The following SORD variants were observed in gnomAD, a reference collection of about 807,000 sequenced individuals.
SORD encodes (R,R)-butanediol dehydrogenase.
Under a neutral mutation model 35.6 loss-of-function variants are expected in SORD, and 18 were observed. The ratio of observed to expected loss-of-function variants is 0.51; its 90% CI spans 0.35 to 0.75. The LOEUF is 0.75. SORD is among the 30% of genes least tolerant of loss of function. The pLI is 0.01. For synonymous variants in SORD, 106 were observed against 152.9 expected, an observed-to-expected ratio of 0.69 and a Z score of 2.26; for missense variants, 250 against 390.2, an observed-to-expected ratio of 0.64 and a Z score of 3.03.
intron 1 of SORD, among the ~76,000 whole-genome samples, chr15:45,031,143 C>T (rs1176591882): frequency 1.3e-5 from 2 of 152,154 alleles, no homozygotes; most frequent in African/African-American, 4.8e-5. Flanking sequence ...CTGGGAAAGA[C>T]CTTGTCTCTA....
chr15:45,037,374 G>A (rs1892885086), intron 1 of SORD, among the ~76,000 whole-genome samples: 1 of 152,110 alleles, frequency 6.6e-6, no homozygotes, highest in African/African-American at 2.4e-5. Flanking sequence ...TATTTGGTGT[G>A]CCTGACTGTT....
chr15:45,064,488 T>C (rs1893374186), intron 4 of SORD, among the ~76,000 whole-genome samples: 1 of 152,206 alleles, frequency 6.6e-6, no homozygotes, highest in Admixed American at 6.5e-5. Flanking sequence ...AGCTGTATTA[T>C]TGATAGGGTC....
At position 45,073,565 on chromosome 15, in the gene SORD, G is replaced by C. The variant is rs779306479; in HGVS notation, c.*35G>C. The C allele has an allele frequency of 2.5e-5, 40 of 1,591,276 alleles. 1 individual carries two copies. The highest frequency in any genetic ancestry group is 3.4e-5 in the Non-Finnish European group (40 of 1,171,830). ...GCTCTGCCCTCATCCCCACAGTCTT[G>C]GGATCTCAGGGCACAATGGCTGGAC... On this transcript the variant is annotated 3_prime_UTR_variant, in exon 9 of 9. Transcript: ENST00000267814.
intron 1 of SORD, among the ~76,000 whole-genome samples, chr15:45,026,382 T>TAA (rs1892668801): frequency 2.0e-5 from 3 of 152,074 alleles, no homozygotes; most frequent in Non-Finnish European, 2.9e-5. Context: ...CAAATGCATT[T>TAA]TGGGGGGAAA....
intron 7 of SORD, chr15:45,069,714 T>C (rs537229706): frequency 6.6e-6 from 1 of 152,302 alleles, no homozygotes; most frequent in South Asian, 2.1e-4. Context: ...CATGCCTTAA[T>C]TGTATGTGGG....
chr15:45,025,641 A>T (rs1335932773), intron 1 of SORD, among the ~76,000 whole-genome samples: 2 of 152,012 alleles, frequency 1.3e-5, no homozygotes, highest in South Asian at 2.1e-4. Context: ...AAAAAAAAAA[A>T]AAAGATGTCT....
chr15:45,040,265 C>T (rs1595498542), intron 1 of SORD, 143 bp from the exon 2 acceptor site: 5 of 630,516 alleles, frequency 7.9e-6, no homozygotes, highest in African/African-American at 3.7e-5. Context: ...AGGCATGCAC[C>T]CAGGAGCAGT....
Position 45,069,051 on chromosome 15 carries a change from A to G in SORD, c.785A>G (p.Tyr262Cys). Residue 262 changes from tyrosine to cysteine, a missense_variant and splice_region_variant, in exon 7 of 9, where the codon TAC becomes TGC. By Grantham distance (194) the Tyr-to-Cys change is radical. Transcript: ENST00000267814. ...GAGGCCTCCATCCAGGCGGGCATCT[A>G]CGTGAGTGGGCTGAGGGCAGCTTTG... The part of the protein sequence containing the change: ...GAEASIQAGI[Y>C]ATRSGGNLVL... 6.2e-7 allele frequency: 1 copy of G among 1,608,224 alleles called. No homozygotes were observed. The highest frequency in any genetic ancestry group is 8.5e-7 in the Non-Finnish European group (1 of 1,177,462).
Position 45,038,139 on chromosome 15 carries a change from CCTT to C in SORD, c.67-2267_67-2265del, listed in dbSNP as rs1566958490. On this transcript the variant is annotated intron_variant, in intron 1 of 8. Coordinates refer to ENST00000267814, the MANE Select transcript of SORD (RefSeq NM_003104.6). ...CCCTCGCATCCTCCCTTCCTTCCTT[CCTT>C]CCTTCCTTCCTTCCTTCCTTCCTTC... Among the ~76,000 whole-genome samples the C allele has an allele frequency of 1.4e-4, 11 of 75,950 alleles. No homozygotes were observed. The African/African-American group carries it at 1.5e-3, about 10-fold the overall frequency. 49.8% of individuals were successfully genotyped at this position (75,950 alleles called of 152,430 possible).
At chr15:45,048,269 T>G (rs1245441576) in intron 3 of SORD, among the ~76,000 whole-genome samples, 1 of 152,232 alleles carries the variant, frequency 6.6e-6, no homozygotes, top group Non-Finnish European at 1.5e-5. Context: ...TCCCATGGTT[T>G]GTTTTCCCCC....
chr15:45,032,577 G>A (rs540786411), intron 1 of SORD, among the ~76,000 whole-genome samples: 79 of 152,278 alleles, frequency 5.2e-4, no homozygotes, highest in Non-Finnish European at 8.2e-4. Flanking sequence ...GAAGTGAGAT[G>A]GGGGTGTGGT....
intron 1 of SORD, among the ~76,000 whole-genome samples, chr15:45,038,484 C>T (rs1439697146): frequency 6.6e-6 from 1 of 152,152 alleles, no homozygotes; most frequent in Non-Finnish European, 1.5e-5. Context: ...CTTTGTTTCA[C>T]AGGAGAAGAG....
In SORD at chr15:45,032,368, C is replaced by T. The variant is rs572855116; in HGVS notation, c.67-8040C>T. Among the ~76,000 whole-genome samples the T allele has an allele frequency of 2.4e-4, 36 of 152,116 alleles. 1 individual carries two copies. The highest frequency in any genetic ancestry group is 1.3e-4 in the Admixed American group (2 of 15,264). Reference sequence around the variant, plus strand: ...AGGAAAAAAAGACTCCATTTTGAGACATTTAGAATCACAAAACATTATTAT... The same window carrying T: ...AGGAAAAAAAGACTCCATTTTGAGATATTTAGAATCACAAAACATTATTAT... On this transcript the variant is annotated intron_variant, in intron 1 of 8. Coordinates refer to ENST00000267814, the MANE Select transcript of SORD (RefSeq NM_003104.6).
intron 3 of SORD, among the ~76,000 whole-genome samples, chr15:45,052,969 A>G (rs1299679000): frequency 6.6e-6 from 1 of 152,222 alleles, no homozygotes; most frequent in Non-Finnish European, 1.5e-5. Context: ...AGTATTGAAC[A>G]AAAGACAGAA....
chr15:45,024,275 C>T (rs1479958267), intron 1 of SORD, among the ~76,000 whole-genome samples: 1 of 152,204 alleles, frequency 6.6e-6, no homozygotes, highest in Non-Finnish European at 1.5e-5. Flanking sequence ...GTACATGCGT[C>T]AGTATGTAAA....
Position 45,029,354 on chromosome 15 carries a change from T to G in SORD, c.66+6005T>G, listed in dbSNP as rs1469726007. On this transcript the variant is annotated intron_variant, in intron 1 of 8. Coordinates refer to ENST00000267814, the MANE Select transcript of SORD (RefSeq NM_003104.6). ...CTCTCAAAGTGATGCAAGCTTTTTC[T>G]TGGCCCCTTCGCCAGACCTGTGGAG... is the stretch of plus-strand genomic sequence containing the variant. 1.6e-4 allele frequency among the ~76,000 whole-genome samples: 21 copies of G among 128,336 alleles called. 1 individual carries two copies. Among genetic ancestry groups the G allele is most frequent in the Admixed American group, 1.6e-3 (21 of 13,208 alleles). 84.2% of individuals were successfully genotyped at this position (128,336 alleles called of 152,430 possible). A position where few individuals can be genotyped will look rare whatever the true frequency, so the allele number is the denominator to read the frequency against.
intron 1 of SORD, among the ~76,000 whole-genome samples, chr15:45,026,658 T>C (rs917317066): frequency 6.6e-6 from 1 of 152,242 alleles, no homozygotes; most frequent in Non-Finnish European, 1.5e-5. Flanking sequence ...TTTCAAAAAA[T>C]GTATAAATTT....
chr15:45,054,183 TG>T (rs1451072597), intron 3 of SORD, among the ~76,000 whole-genome samples: 1 of 152,254 alleles, frequency 6.6e-6, no homozygotes, highest in African/African-American at 2.4e-5. Flanking sequence ...CTAGGTCAAA[TG>T]GTATTTCTAG....
chr15:45,058,925 C>T (rs151177183), intron 3 of SORD, among the ~76,000 whole-genome samples: 6 of 152,272 alleles, frequency 3.9e-5, no homozygotes, highest in East Asian at 3.9e-4. Context: ...TGAGCAACTA[C>T]GGGCATGTTT....
Sources: allele counts gnomAD v4.1 joint callset (sites outside exome capture counted in the v4.1 genomes callset), GRCh38; gene constraint gnomAD v4.1.1; transcripts MANE v1.5; gene names NCBI Gene and HGNC (gene_info 2026-07-23, HGNC 2026-07-21).